The following ACOT8 variants were observed in gnomAD, a reference collection of about 807,000 sequenced individuals.
The protein encoded by ACOT8 is acyl-CoA thioesterase 8.
In ACOT8, 31 loss-of-function variants were observed where a neutral mutation model predicts 38.4. The observed-to-expected ratio is 0.81, with a 90% CI of 0.61 to 1.09. The LOEUF (loss-of-function observed/expected upper bound fraction) is 1.09, where lower values mean the gene tolerates loss of function less well. ACOT8 is among the 50% of genes least tolerant of loss of function. The pLI, the probability that ACOT8 is intolerant of heterozygous loss-of-function variation, is 0.00. For missense variants in ACOT8, 373 were observed against 421.8 expected (o/e 0.88, Z 1.01); for synonymous variants, 158 against 170.3 (o/e 0.93, Z 0.56).
chr20:45,847,436 ATATG>A (rs1984754998), intron 3 of ACOT8, among the ~76,000 whole-genome samples: 1 of 150,764 alleles, frequency 6.6e-6, no homozygotes, highest in African/African-American at 2.4e-5. Context: ...TAAAATATAT[ATATG>A]GTTTTTTTTC....
Position 45,844,331 on chromosome 20 carries a change from G to A in ACOT8, c.578C>T (p.Ser193Phe). 4.3e-6 allele frequency: 7 copies of A among 1,614,186 alleles called. No individual in the cohort carries two copies. The highest frequency in any genetic ancestry group is 5.9e-6 in the Non-Finnish European group (7 of 1,180,030). Reference protein sequence around the residue: ...VPIEIKPVNPSPLSQLQRMEP... With the variant: ...VPIEIKPVNPFPLSQLQRMEP... ...CATTCTCTGCAGCTGGCTCAGGGGG[G>A]ATGGGTTTACTGGCTTGATCTCAAT... The change falls in exon 4 of 6, where the codon TCC becomes TTC. Residue 193 changes from serine (S) to phenylalanine (F), a missense_variant. Ser to Phe is a radical substitution (Grantham distance 155, BLOSUM62 -2). Transcript: ENST00000217455.
chr20:45,849,420 G>A (rs186614478), intron 2 of ACOT8, among the ~76,000 whole-genome samples: 8 of 151,956 alleles, frequency 5.3e-5, no homozygotes, highest in South Asian at 2.1e-4. Context: ...GAGTGGGGGG[G>A]GACTACAGGG....
intron 5 of ACOT8, chr20:45,842,223 A>G: frequency 6.9e-7 from 1 of 1,451,314 alleles, no homozygotes; most frequent in Non-Finnish European, 9.0e-7. Flanking sequence ...GGCTGCTCCA[A>G]ATGCCCCTTC....
chr20:45,843,774 T>C, intron 4 of ACOT8, 53 bp from the exon 5 acceptor site: 2 of 1,591,872 alleles, frequency 1.3e-6, no homozygotes, highest in Non-Finnish European at 8.6e-7. Flanking sequence ...GCTCAGGACC[T>C]GCACGGAGGT....
intron 2 of ACOT8, among the ~76,000 whole-genome samples, chr20:45,852,010 G>A (rs1193799623): frequency 1.3e-5 from 2 of 151,650 alleles, no homozygotes; most frequent in Non-Finnish European, 2.9e-5. Flanking sequence ...GTTTTTTTGA[G>A]ATGGAGTCTC....
intron 2 of ACOT8, among the ~76,000 whole-genome samples, chr20:45,854,633 G>A (rs1293424578): frequency 6.6e-6 from 1 of 152,152 alleles, no homozygotes; most frequent in Non-Finnish European, 1.5e-5. Flanking sequence ...CCAAACTGTA[G>A]GGCGGGGAGG....
intron 2 of ACOT8, chr20:45,854,054 T>A (rs1985239507): frequency 7.2e-6 from 7 of 974,316 alleles, no homozygotes; most frequent in Non-Finnish European, 9.6e-6. Flanking sequence ...TAGGTTTTGC[T>A]TTTATTTTCC....
chr20:45,849,412 G>GT (rs1568738156), intron 2 of ACOT8, among the ~76,000 whole-genome samples: 1 of 151,712 alleles, frequency 6.6e-6, no homozygotes, highest in Non-Finnish European at 1.5e-5. Context: ...AGCCTCCTGA[G>GT]TGGGGGGGGA....
chr20:45,854,263 G>GCTCGCCCAGGCTGGAGTA (rs371490658), intron 2 of ACOT8, among the ~76,000 whole-genome samples: 1 of 152,144 alleles, frequency 6.6e-6, no homozygotes, highest in Non-Finnish European at 1.5e-5. Flanking sequence ...AGGCTGGAGT[G>GCTCGCCCAGGCTGGAGTA]CAGTGGCACG....
In ACOT8 at chr20:45,844,403, T is replaced by G; in HGVS notation, c.506A>C (p.Lys169Thr). Residue 169 changes from lysine (K) to threonine (T), a missense_variant, in exon 4 of 6, where the codon AAG becomes ACG. Transcript: ENST00000217455. ...TCGGTTGAGCGCCAATGGGTACCTC[T>G]TTTGGAGGTTAGGGTCCCTGAAAGT... ...DQYLRDPNLQ[K>T]RYPLALNRIA... The G allele has an allele frequency of 6.2e-7, 1 of 1,614,020 alleles. No individual in the cohort carries two copies. The highest frequency in any genetic ancestry group is 8.5e-7 in the Non-Finnish European group (1 of 1,179,970).
At chr20:45,852,621 T>C (rs1160084779) in intron 2 of ACOT8, among the ~76,000 whole-genome samples, 1 of 152,194 alleles carries the variant, frequency 6.6e-6, no homozygotes, top group Admixed American at 6.5e-5. Context: ...TTAGCCAAAT[T>C]TTTTGACATG....
intron 2 of ACOT8, chr20:45,854,022 T>A: frequency 8.1e-7 from 1 of 1,227,404 alleles, no homozygotes; most frequent in Non-Finnish European, 1.0e-6. Context: ...CAGTGAGGGT[T>A]TTTTTTGTTT....
In ACOT8 at chr20:45,848,633, C is replaced by T. The variant is rs774493885; in HGVS notation, c.305G>A (p.Arg102Gln). The change falls in exon 3 of 6, where the codon CGA becomes CAA. Residue 102 changes from arginine (R) to glutamine (Q), a missense_variant. Coordinates refer to ENST00000217455, the MANE Select transcript of ACOT8 (RefSeq NM_005469.4). Reference sequence around the variant, plus strand: ...GCGCACCGAGAAGCTCGACCCTGTTCGTGTCCGCTCCACTTGGTACAGTAC... The same window carrying T: ...GCGCACCGAGAAGCTCGACCCTGTTTGTGTCCGCTCCACTTGGTACAGTAC... ...LPVLYQVERT[R>Q]TGSSFSVRSV... 2.4e-5 allele frequency: 38 copies of T among 1,613,436 alleles called. No individual in the cohort carries two copies. The highest frequency in any genetic ancestry group is 1.8e-4 in the East Asian group (8 of 44,904).
chr20:45,854,230 T>TGCCCAGGCTGGAGTGCTC (rs75404747), intron 2 of ACOT8, among the ~76,000 whole-genome samples: 31,727 of 150,216 alleles, frequency 0.21, 4,276 homozygotes, highest in Non-Finnish European at 0.29. Flanking sequence ...CTCGCTCTGT[T>TGCCCAGGCTGGAGTGCTC]GCCCAGGCTG....
chr20:45,850,980 T>C (rs1985018151), intron 2 of ACOT8, among the ~76,000 whole-genome samples: 1 of 152,184 alleles, frequency 6.6e-6, no homozygotes, highest in Non-Finnish European at 1.5e-5. Flanking sequence ...TTCCCTGAAG[T>C]TCTCACTTTG....
chr20:45,845,827 G>GTTTTTT (rs940280737), intron 3 of ACOT8, among the ~76,000 whole-genome samples: 1 of 146,234 alleles, frequency 6.8e-6, no homozygotes. Flanking sequence ...ACTGACTTTG[G>GTTTTTT]TTTTTTTTTG....
chr20:45,853,889 A>G, intron 2 of ACOT8: 1 of 1,286,352 alleles, frequency 7.8e-7, no homozygotes, highest in Middle Eastern at 2.1e-4. Context: ...ATGAAGGGGG[A>G]AACCCCATGG....
intron 5 of ACOT8, chr20:45,843,068 T>G (rs1254904038): frequency 5.2e-6 from 6 of 1,143,884 alleles, no homozygotes; most frequent in African/African-American, 4.9e-5. Context: ...AAAAATACAG[T>G]TTCCTGGACC....
intron 2 of ACOT8, chr20:45,848,886 C>A (rs1984877816): frequency 2.2e-6 from 1 of 464,206 alleles, no homozygotes; most frequent in African/African-American, 2.0e-5. Context: ...ACAGCACAAA[C>A]AGCAGAGACA....
Sources: allele counts gnomAD v4.1 joint callset (sites outside exome capture counted in the v4.1 genomes callset), GRCh38; gene constraint gnomAD v4.1.1; transcripts MANE v1.5; gene names NCBI Gene and HGNC (gene_info 2026-07-23, HGNC 2026-07-21).